KAZN: variants seen among roughly 807,000 people sequenced by gnomAD.
KAZN encodes kazrin.
Under a neutral mutation model 87.4 loss-of-function variants are expected in KAZN, and 40 were observed. The ratio of observed to expected loss-of-function variants is 0.46; its 90% CI spans 0.36 to 0.60. KAZN has a LOEUF of 0.60. Ranked by LOEUF, KAZN falls within the 20% of genes least tolerant of loss-of-function variation. The pLI is 0.00. For missense variants in KAZN, 898 were observed against 1,073.9 expected, an observed-to-expected ratio of 0.84 and a Z score of 2.29; for synonymous variants, 466 against 458.3, an observed-to-expected ratio of 1.02 and a Z score of -0.22.
intron 1 of KAZN, among the ~76,000 whole-genome samples, chr1:14,118,930 C>T (rs1257396010): frequency 6.6e-6 from 1 of 152,182 alleles, no homozygotes; most frequent in Non-Finnish European, 1.5e-5. Flanking sequence ...CCTGGCTTCT[C>T]TCACTAGGTT....
intron 1 of KAZN, among the ~76,000 whole-genome samples, chr1:14,060,768 C>A (rs544200348): frequency 1.3e-5 from 2 of 152,298 alleles, no homozygotes; most frequent in Admixed American, 1.3e-4. Context: ...CCAAGCAGGA[C>A]CCTTTTGGAA....
chr1:14,330,967 GGT>G (rs1656815452), intron 2 of KAZN, among the ~76,000 whole-genome samples: 1 of 152,046 alleles, frequency 6.6e-6, no homozygotes, highest in Non-Finnish European at 1.5e-5. Flanking sequence ...TTGATACATT[GGT>G]GTGTGTACAC....
At chr1:14,631,370 G>A (rs1679551576) in intron 1 of KAZN, among the ~76,000 whole-genome samples, 1 of 152,190 alleles carries the variant, frequency 6.6e-6, no homozygotes, top group South Asian at 2.1e-4. Context: ...CACCCATACG[G>A]TCTTTTTCTG....
chr1:14,573,953 A>G (rs1022869847), intron 2 of KAZN, among the ~76,000 whole-genome samples: 1 of 152,152 alleles, frequency 6.6e-6, no homozygotes, highest in Non-Finnish European at 1.5e-5. Flanking sequence ...CTCAGATTCT[A>G]TTTTCTCAGT....
chr1:14,750,701 C>T (rs1644392074), intron 1 of KAZN, among the ~76,000 whole-genome samples: 1 of 152,100 alleles, frequency 6.6e-6, no homozygotes. Context: ...GTTAATTACT[C>T]TTGCATGGAA....
rs564016789 is a variant in KAZN, at chr1:14,298,868, T to C, written c.249+118276T>C. ...TAACAAACTGGAGTGAATTCAACAT[T>C]TTCCCTACCTACACTACACTCTCAC... On this transcript the variant is annotated intron_variant, in intron 2 of 16. Transcript: ENST00000636203. Among the ~76,000 whole-genome samples the C allele has an allele frequency of 3.3e-5, 5 of 152,298 alleles. No individual in the cohort carries two copies. In the South Asian group the frequency reaches 1.0e-3, roughly 32 times the overall value.
chr1:14,306,449 G>A (rs573697303), intron 2 of KAZN, among the ~76,000 whole-genome samples: 3 of 152,310 alleles, frequency 2.0e-5, no homozygotes, highest in South Asian at 4.1e-4. Context: ...GGAGAGGGAT[G>A]ATTCAGTAGA....
At chr1:14,780,304 C>CT (rs1374146524) in intron 1 of KAZN, among the ~76,000 whole-genome samples, 1 of 152,222 alleles carries the variant, frequency 6.6e-6, no homozygotes, top group Non-Finnish European at 1.5e-5. Context: ...CCAGCCTCCC[C>CT]TCTCTCTTGC....
At chr1:14,858,011 T>C (rs1650333672) in intron 1 of KAZN, among the ~76,000 whole-genome samples, 1 of 152,140 alleles carries the variant, frequency 6.6e-6, no homozygotes, top group South Asian at 2.1e-4. Context: ...TCCATCTCTA[T>C]AGATTTGCCT....
intron 1 of KAZN, among the ~76,000 whole-genome samples, chr1:13,987,517 A>G (rs1301497568): frequency 1.3e-5 from 2 of 152,196 alleles, no homozygotes; most frequent in Non-Finnish European, 1.5e-5. Context: ...CTGCTATAAC[A>G]TAATACCACA....
intron 1 of KAZN, among the ~76,000 whole-genome samples, chr1:14,902,089 G>A (rs900784372): frequency 1.3e-5 from 2 of 152,184 alleles, no homozygotes; most frequent in Admixed American, 1.3e-4. Context: ...GCCCCCAGGA[G>A]TCCCGTGCTA....
intron 2 of KAZN, among the ~76,000 whole-genome samples, chr1:14,203,529 A>G (rs1433152032): frequency 2.0e-5 from 3 of 152,196 alleles, no homozygotes; most frequent in Non-Finnish European, 4.4e-5. Context: ...AGTTTAAGAA[A>G]TGATGGTATT....
In KAZN at chr1:14,598,840, C is replaced by G. The variant is rs986862054; in HGVS notation, c.-158C>G. The G allele has an allele frequency of 5.0e-6, 7 of 1,404,528 alleles. No individual in the cohort carries two copies. In the Admixed American group the frequency reaches 1.6e-4, roughly 32 times the overall value. 87.0% of individuals were successfully genotyped at this position (1,404,528 alleles called of 1,614,324 possible). ...GGAGGCGCCGCTGTCATTCCTGTGC[C>G]GGAGGAACCGGCGCTGCCGGTGCCT... On this transcript the variant is annotated 5_prime_UTR_variant, in exon 1 of 15. Coordinates refer to ENST00000376030, the MANE Select transcript of KAZN (RefSeq NM_201628.3). The surrounding 1 kb of genome is among the most constrained non-coding windows in gnomAD (Gnocchi z 4.2).
intron 1 of KAZN, among the ~76,000 whole-genome samples, chr1:14,035,087 T>G (rs1319337713): frequency 6.6e-6 from 1 of 152,216 alleles, no homozygotes; most frequent in Non-Finnish European, 1.5e-5. Context: ...AGAAGGTGTC[T>G]TCTTTTGTTC....
chr1:14,704,850 G>A (rs1400736349), intron 1 of KAZN, among the ~76,000 whole-genome samples: 1 of 152,160 alleles, frequency 6.6e-6, no homozygotes, highest in Non-Finnish European at 1.5e-5. Context: ...CTGTGTTGTG[G>A]TCAGGGACTG....
chr1:14,734,835 A>T (rs1424310935), intron 1 of KAZN, among the ~76,000 whole-genome samples: 1 of 152,216 alleles, frequency 6.6e-6, no homozygotes, highest in Non-Finnish European at 1.5e-5. Flanking sequence ...TTCATGGAAC[A>T]GACCAGACTG....
chr1:14,563,328 C>T (rs1674360643), intron 2 of KAZN, among the ~76,000 whole-genome samples: 1 of 152,214 alleles, frequency 6.6e-6, no homozygotes, highest in South Asian at 2.1e-4. Context: ...CCTGGCCTCA[C>T]TCCCAGAGAC....
intron 1 of KAZN, among the ~76,000 whole-genome samples, chr1:14,650,387 T>G (rs1638287334): frequency 6.6e-6 from 1 of 151,986 alleles, no homozygotes; most frequent in Non-Finnish European, 1.5e-5. Flanking sequence ...AGACCTCACC[T>G]CTACTAAAAA....
chr1:14,246,421 T>C (rs1026839939), intron 2 of KAZN, among the ~76,000 whole-genome samples: 12 of 152,194 alleles, frequency 7.9e-5, no homozygotes, highest in Admixed American at 5.2e-4. Context: ...TTTATTAGTA[T>C]TTAAGAACAC....
Sources: allele counts gnomAD v4.1 joint callset (sites outside exome capture counted in the v4.1 genomes callset), GRCh38; gene constraint gnomAD v4.1.1; non-coding constraint Gnocchi (gnomAD v3.1); transcripts MANE v1.5; gene names NCBI Gene and HGNC (gene_info 2026-07-23, HGNC 2026-07-21).